DCDC1: variants seen among roughly 807,000 people sequenced by gnomAD.
The protein encoded by DCDC1 is doublecortin domain-containing protein 1.
In DCDC1, 200 loss-of-function variants were observed where a neutral mutation model predicts 178.3. The ratio of observed to expected loss-of-function variants is 1.12; its 90% CI spans 1.00 to 1.26. The LOEUF (loss-of-function observed/expected upper bound fraction) is 1.26, where lower values mean the gene tolerates loss of function less well. Ranked by LOEUF, DCDC1 falls within the 50% of genes most tolerant of loss-of-function variation. The probability of loss-of-function intolerance (pLI) is 0.00; values close to 1 mark genes in which losing one functional copy is unlikely to be tolerated. For synonymous variants in DCDC1, 690 were observed against 604.8 expected (o/e 1.14, Z -2.07); for missense variants, 1,983 against 1,749.2 (o/e 1.13, Z -2.38).
intron 7 of DCDC1, among the ~76,000 whole-genome samples, chr11:31,273,340 C>T (rs1376707786): frequency 6.6e-6 from 1 of 152,204 alleles, no homozygotes; most frequent in Admixed American, 6.5e-5. Context: ...ACCCAAGTCA[C>T]ATCTTGAATG....
At chr11:30,935,855 T>G (rs915604759) in intron 21 of DCDC1, among the ~76,000 whole-genome samples, 1 of 152,072 alleles carries the variant, frequency 6.6e-6, no homozygotes, top group Middle Eastern at 3.2e-3. Flanking sequence ...CCTGGCCTCA[T>G]GTTTTCTTTT....
At chr11:31,214,463 C>A (rs1466659179) in intron 9 of DCDC1, among the ~76,000 whole-genome samples, 2 of 152,092 alleles carry the variant, frequency 1.3e-5, no homozygotes, top group Non-Finnish European at 1.5e-5. Context: ...CTGCACACAG[C>A]AGGATCTAGA....
chr11:30,908,057 C>T (rs993169101), intron 29 of DCDC1, among the ~76,000 whole-genome samples: 1 of 151,960 alleles, frequency 6.6e-6, no homozygotes, highest in African/African-American at 2.4e-5. Context: ...AACAAGAGGG[C>T]AACATTAAGT....
At chr11:31,236,094 G>A (rs1976423146) in intron 9 of DCDC1, among the ~76,000 whole-genome samples, 1 of 151,946 alleles carries the variant, frequency 6.6e-6, no homozygotes, top group South Asian at 2.1e-4. Flanking sequence ...GACCTAAACA[G>A]CTTTATGACA....
intron 8 of DCDC1, among the ~76,000 whole-genome samples, chr11:31,248,798 T>C (rs1056929922): frequency 6.6e-6 from 1 of 152,134 alleles, no homozygotes; most frequent in Non-Finnish European, 1.5e-5. Flanking sequence ...ATTAGTGTTT[T>C]TACATATTTT....
intron 18 of DCDC1, among the ~76,000 whole-genome samples, chr11:31,076,458 C>T (rs1956870970): frequency 6.6e-6 from 1 of 152,060 alleles, no homozygotes; most frequent in Non-Finnish European, 1.5e-5. Flanking sequence ...AAGCAATCCT[C>T]CCACCTCAGC....
chr11:31,348,487 G>T (rs1190325283), intron 1 of DCDC1, among the ~76,000 whole-genome samples: 1 of 152,166 alleles, frequency 6.6e-6, no homozygotes, highest in Non-Finnish European at 1.5e-5. Flanking sequence ...ACAAGAGGTT[G>T]TATCTGTCCC....
chr11:30,933,223 C>CT (rs1456515859), intron 21 of DCDC1, among the ~76,000 whole-genome samples: 1 of 150,640 alleles, frequency 6.6e-6, no homozygotes, highest in Non-Finnish European at 1.5e-5. Flanking sequence ...CCTTTTTTTT[C>CT]TTTTTTTGGG....
intron 1 of DCDC1, among the ~76,000 whole-genome samples, chr11:31,346,091 C>T (rs1729882842): frequency 6.6e-6 from 1 of 152,152 alleles, no homozygotes; most frequent in South Asian, 2.1e-4. Flanking sequence ...GCCATAAACA[C>T]TGAATCTAAC....
chr11:31,217,887 A>G (rs1171428218), intron 9 of DCDC1, among the ~76,000 whole-genome samples: 1 of 152,158 alleles, frequency 6.6e-6, no homozygotes, highest in Non-Finnish European at 1.5e-5. Context: ...AGATTTTTTC[A>G]TAATGTGTAC....
At chr11:31,338,480 C>A (rs995136728) in intron 1 of DCDC1, among the ~76,000 whole-genome samples, 58 of 152,126 alleles carry the variant, frequency 3.8e-4, no homozygotes, top group African/African-American at 1.4e-3. Context: ...GGAAGAAGGG[C>A]GTACCAAAGA....
At chr11:31,294,745 A>T (rs1341846373) in intron 6 of DCDC1, among the ~76,000 whole-genome samples, 2 of 140,146 alleles carry the variant, frequency 1.4e-5, no homozygotes, top group Non-Finnish European at 3.2e-5. Context: ...GGAGGGAGGG[A>T]GGAAAAGAAA....
At chr11:31,229,733 A>G (rs1167293525) in intron 9 of DCDC1, among the ~76,000 whole-genome samples, 2 of 152,150 alleles carry the variant, frequency 1.3e-5, no homozygotes, top group African/African-American at 4.8e-5. Flanking sequence ...GAAATAAATG[A>G]ATGTAATTCT....
chr11:31,122,266 A>G (rs1190772882), intron 11 of DCDC1, among the ~76,000 whole-genome samples: 3 of 152,162 alleles, frequency 2.0e-5, no homozygotes, highest in Non-Finnish European at 4.4e-5. Context: ...TCTAAGATAT[A>G]AGTATAGAGA....
At chr11:31,104,029 C>G (rs1958685760) in intron 13 of DCDC1, among the ~76,000 whole-genome samples, 1 of 151,994 alleles carries the variant, frequency 6.6e-6, no homozygotes, top group Non-Finnish European at 1.5e-5. Context: ...TAATTAAAGC[C>G]AAGTATTTAG....
At chr11:31,205,503 G>T (rs1971762197) in intron 9 of DCDC1, among the ~76,000 whole-genome samples, 1 of 152,252 alleles carries the variant, frequency 6.6e-6, no homozygotes, top group South Asian at 2.1e-4. Context: ...TCACAATAAA[G>T]GAAAGGTACT....
chr11:31,251,467 A>T (rs984332223), intron 8 of DCDC1, among the ~76,000 whole-genome samples: 4 of 152,174 alleles, frequency 2.6e-5, no homozygotes, highest in Non-Finnish European at 2.9e-5. Context: ...CCCGAATAGA[A>T]CAAAAAGGTT....
chr11:31,334,008 G>A (rs921373491), intron 2 of DCDC1, among the ~76,000 whole-genome samples: 10 of 152,164 alleles, frequency 6.6e-5, no homozygotes, highest in African/African-American at 1.9e-4. Context: ...GTCACTTTCA[G>A]GCACACCAAT....
Position 30,914,221 on chromosome 11 carries a change from C to T in DCDC1, c.3653+1290G>A, listed in dbSNP as rs193097269. Among the ~76,000 whole-genome samples the T allele has an allele frequency of 3.3e-5, 5 of 152,326 alleles. No individual in the cohort carries two copies. In the East Asian group the frequency reaches 7.7e-4, roughly 24 times the overall value. ...GAATGGGGCAAAGAAACACTTTCAC[C>T]AGGTCTGTCTACACAATTGGTTTTC... On this transcript the variant is annotated intron_variant, in intron 27 of 38. Coordinates refer to ENST00000684477, the MANE Select transcript of DCDC1 (RefSeq NM_001387274.1).
Sources: allele counts gnomAD v4.1 joint callset (sites outside exome capture counted in the v4.1 genomes callset), GRCh38; gene constraint gnomAD v4.1.1; transcripts MANE v1.5; gene names NCBI Gene and HGNC (gene_info 2026-07-23, HGNC 2026-07-21).